CDCA8: variants seen among roughly 807,000 people sequenced by gnomAD.
The protein encoded by CDCA8 is cell division cycle associated 8.
Under a neutral mutation model 40.0 loss-of-function variants are expected in CDCA8, and 25 were observed. That is an observed-to-expected ratio of 0.63 (90% confidence interval 0.46 to 0.87). CDCA8 has a LOEUF of 0.87. Ranked by LOEUF, CDCA8 falls within the 40% of genes least tolerant of loss-of-function variation. The probability of loss-of-function intolerance (pLI) is 0.00; values close to 1 mark genes in which losing one functional copy is unlikely to be tolerated. For missense variants in CDCA8, 280 were observed against 348.4 expected (o/e 0.80, Z 1.56); for synonymous variants, 111 against 126.5 (o/e 0.88, Z 0.82).
chr1:37,704,195 A>G (rs1184778649), intron 7 of CDCA8, among the ~76,000 whole-genome samples: 1 of 152,046 alleles, frequency 6.6e-6, no homozygotes, highest in Non-Finnish European at 1.5e-5. Context: ...TCGGCCTTCC[A>G]ATGTACTGGG....
rs1645543900 is a variant in CDCA8 at position 37,698,889 on chromosome 1, G to C, written c.265-16G>C. 3 of 1,598,096 alleles carry C rather than the reference G, an allele frequency of 1.9e-6. No homozygotes were observed. The highest frequency in any genetic ancestry group is 3.4e-5 in the Admixed American group (2 of 59,682). Reference sequence around the variant, plus strand: ...GGTGGAATAAGCCTGGTGCTTTCTGGCTATGTTTGTCATAGGCTGACCTGG... The same window carrying C: ...GGTGGAATAAGCCTGGTGCTTTCTGCCTATGTTTGTCATAGGCTGACCTGG... On this transcript the variant is annotated splice_polypyrimidine_tract_variant and intron_variant, in intron 3 of 9. Transcript: ENST00000373055.
At chr1:37,701,543 C>T (rs1005377202) in intron 5 of CDCA8, among the ~76,000 whole-genome samples, 2 of 151,970 alleles carry the variant, frequency 1.3e-5, no homozygotes, top group African/African-American at 4.8e-5. Flanking sequence ...TCAAAATCCT[C>T]TATTTTGAAA....
chr1:37,706,534 G>A (rs1285194810), intron 8 of CDCA8, among the ~76,000 whole-genome samples: 1 of 152,230 alleles, frequency 6.6e-6, no homozygotes, highest in African/African-American at 2.4e-5. Context: ...CCTGTGATAT[G>A]CGCAATAATA....
At chr1:37,703,008 G>T (rs1645575056) in intron 6 of CDCA8, among the ~76,000 whole-genome samples, 1 of 151,784 alleles carries the variant, frequency 6.6e-6, no homozygotes, top group Non-Finnish European at 1.5e-5. Context: ...CAAAGTTTTG[G>T]CTCCATCCTA....
rs188524752 is a variant in CDCA8 at position 37,704,249 on chromosome 1, T to C, written c.584+902T>C. On this transcript the variant is annotated intron_variant, in intron 7 of 9. Transcript: ENST00000373055. ...CACACCCGGCCTCAAATCAGTTTTT[T>C]AAAGATGAGTAGGCACTCTCCTGTA... Among the ~76,000 whole-genome samples, 13 of 152,308 alleles carry C rather than the reference T, an allele frequency of 8.5e-5. No homozygotes were observed. The East Asian group carries it at 2.3e-3, about 27-fold the overall frequency.
At chr1:37,705,607 C>T (rs1645593825) in intron 8 of CDCA8, 40 bp downstream of exon 8, 2 of 1,603,550 alleles carry the variant, frequency 1.2e-6, no homozygotes, top group South Asian at 2.2e-5. Flanking sequence ...CAGTGTGCTG[C>T]TTAGTCAAGC....
chr1:37,696,040 G>T lies in CDCA8; in HGVS notation c.264+90G>T. On this transcript the variant is annotated intron_variant, in intron 3 of 9. Transcript: ENST00000373055. The surrounding 1 kb of genome is among the most constrained non-coding windows in gnomAD (Gnocchi z 5.0). ...CTAATAGATGCTTACTGTGGAAGAG[G>T]TTTCATAAAGGGACATCATCTGTTT... 1 of 1,117,200 alleles carries T rather than the reference G, an allele frequency of 9.0e-7. No individual in the cohort carries two copies. Among genetic ancestry groups the T allele is most frequent in the South Asian group, 1.3e-5 (1 of 76,512 alleles). The allele number at this position is 1,117,200 out of a possible 1,614,324, so 69.2% of individuals were successfully genotyped here.
chr1:37,693,596 A>G (rs2148284416), intron 2 of CDCA8, among the ~76,000 whole-genome samples: 1 of 152,062 alleles, frequency 6.6e-6, no homozygotes, highest in Admixed American at 6.5e-5. Flanking sequence ...ACGGGGTTTC[A>G]CCATGTTGGC....
intron 2 of CDCA8, among the ~76,000 whole-genome samples, chr1:37,693,449 A>G (rs1294550542): frequency 2.0e-5 from 3 of 152,146 alleles, no homozygotes; most frequent in African/African-American, 7.2e-5. Flanking sequence ...AGTGCAGTGC[A>G]GTGCAGTGGT....
In CDCA8 at chr1:37,705,436, T is replaced by C; in HGVS notation, c.585-5T>C. 1 of 1,613,642 alleles carries C rather than the reference T, an allele frequency of 6.2e-7. No homozygotes were observed. The highest frequency in any genetic ancestry group is 8.5e-7 in the Non-Finnish European group (1 of 1,179,640). On this transcript the variant is annotated splice_region_variant and splice_polypyrimidine_tract_variant and intron_variant, in intron 7 of 9. Transcript: ENST00000373055. ...GCTATCTTCACAGAGATTTTCCCAT[T>C]CTAGGGTCTTCAAGACCCCTGGCCT...
intron 3 of CDCA8, among the ~76,000 whole-genome samples, chr1:37,698,281 C>A (rs1446001656): frequency 1.3e-5 from 2 of 152,222 alleles, no homozygotes; most frequent in Non-Finnish European, 2.9e-5. Flanking sequence ...TAATCCCTGT[C>A]ATGTCCTATC....
intron 7 of CDCA8, among the ~76,000 whole-genome samples, chr1:37,703,855 G>C (rs1379263184): frequency 1.3e-5 from 2 of 152,174 alleles, no homozygotes; most frequent in Non-Finnish European, 2.9e-5. Context: ...ATTCTTTAAT[G>C]GGAGGGAGGT....
chr1:37,701,625 AC>A, intron 5 of CDCA8, 128 bp from the exon 6 acceptor site: 1 of 567,974 alleles, frequency 1.8e-6, no homozygotes, highest in Non-Finnish European at 3.1e-6. Context: ...TCTGAGATAC[AC>A]CTTATTATAT....
At chr1:37,697,916 A>C (rs1645538496) in intron 3 of CDCA8, among the ~76,000 whole-genome samples, 1 of 152,252 alleles carries the variant, frequency 6.6e-6, no homozygotes, top group South Asian at 2.1e-4. Flanking sequence ...ACCAGAAATG[A>C]AACCTGTGCC....
Position 37,692,912 on chromosome 1 carries a change from A to T in CDCA8, c.102A>T (p.Ile34=). The change falls in exon 2 of 10, where the codon ATA becomes ATT. Residue 34 remains isoleucine (I), a synonymous_variant. Transcript: ENST00000373055. ...FLKDFDREVE[I]RIKQIESDRQ... is the part of the protein sequence containing the mutation. ...GGCTCTGCCCTCCCGCAGTGGAAAT[A>T]CGAATCAAGCAAATTGAGTCAGACA... 6.2e-7 allele frequency: 1 copy of T among 1,614,024 alleles called. No homozygotes were observed. Among genetic ancestry groups the T allele is most frequent in the Non-Finnish European group, 8.5e-7 (1 of 1,180,026 alleles).
intron 9 of CDCA8, among the ~76,000 whole-genome samples, chr1:37,707,399 C>CG (rs1378239509): frequency 6.6e-6 from 1 of 152,250 alleles, no homozygotes; most frequent in Non-Finnish European, 1.5e-5. Context: ...GAATGAGGGT[C>CG]GGGGCTTGTT....
chr1:37,703,737 C>T (rs139146300), intron 7 of CDCA8, among the ~76,000 whole-genome samples: 1,942 of 152,074 alleles, frequency 0.013, 10 homozygotes, highest in Non-Finnish European at 0.02. Context: ...AGAAAATAGT[C>T]CCGAGTCCTT....
intron 3 of CDCA8, among the ~76,000 whole-genome samples, chr1:37,697,276 A>G (rs190307987): frequency 1.1e-4 from 17 of 152,368 alleles, no homozygotes; most frequent in Non-Finnish European, 2.2e-4. Flanking sequence ...GCGATGATTT[A>G]TTACAGTGAA....
At chr1:37,706,552 T>G (rs1410485305) in intron 8 of CDCA8, among the ~76,000 whole-genome samples, 1 of 152,192 alleles carries the variant, frequency 6.6e-6, no homozygotes, top group East Asian at 1.9e-4. Context: ...ATAGAGATGT[T>G]AAAGGGTGGT....
Sources: gnomAD v4.1 joint callset for allele counts (sites outside exome capture counted in the v4.1 genomes callset) on GRCh38, gnomAD v4.1.1 for gene constraint, Gnocchi (gnomAD v3.1) non-coding constraint, MANE v1.5 for transcripts, NCBI Gene and HGNC (gene_info 2026-07-23, HGNC 2026-07-21) for gene names.